MAPKBP1: variants seen among roughly 807,000 people sequenced by gnomAD.
MAPKBP1 encodes the protein mitogen-activated protein kinase binding protein 1.
Under a neutral mutation model 170.5 loss-of-function variants are expected in MAPKBP1, and 71 were observed. That is an observed-to-expected ratio of 0.42 (90% CI 0.34 to 0.51). The LOEUF (loss-of-function observed/expected upper bound fraction) is 0.51. Ranked by LOEUF, MAPKBP1 falls within the 20% of genes least tolerant of loss-of-function variation. MAPKBP1 has a pLI of 0.06. For synonymous variants in MAPKBP1, 719 were observed against 757.9 expected (o/e 0.95, Z 0.84); for missense variants, 1,598 against 1,933.0 (o/e 0.83, Z 3.25).
At chr15:41,774,791 C>T (rs1004819158) in intron 1 of MAPKBP1, 181 bp downstream of exon 1, 16 of 399,542 alleles carry the variant, frequency 4.0e-5, no homozygotes, top group Non-Finnish European at 2.2e-5. Context: ...CGCGTCCCCG[C>T]CGGCGCTAGC....
At chr15:41,805,790 A>G (rs1174231306) in intron 3 of MAPKBP1, among the ~76,000 whole-genome samples, 1 of 152,198 alleles carries the variant, frequency 6.6e-6, no homozygotes, top group Non-Finnish European at 1.5e-5. Context: ...TTCGCCAGGG[A>G]CAGTAGAGAG....
intron 5 of MAPKBP1, chr15:41,811,585 G>T (rs1487595986): frequency 2.1e-5 from 13 of 614,720 alleles, no homozygotes; most frequent in Middle Eastern, 5.0e-4. Context: ...TACCCCCGGG[G>T]GCCCCCTGCT....
intron 2 of MAPKBP1, among the ~76,000 whole-genome samples, chr15:41,786,558 A>G (rs924897952): frequency 2.6e-5 from 4 of 151,308 alleles, no homozygotes; most frequent in African/African-American, 4.9e-5. Context: ...AGGTCAGGAG[A>G]TAGAGACCAT....
chr15:41,811,320 C>T, intron 5 of MAPKBP1, 85 bp downstream of exon 5: 1 of 1,480,380 alleles, frequency 6.8e-7, no homozygotes. Flanking sequence ...GGCCTGCTGT[C>T]ACTTTGGCTT....
intron 30 of MAPKBP1, among the ~76,000 whole-genome samples, 175 bp downstream of exon 30, chr15:41,824,744 G>A (rs904312817): frequency 3.9e-5 from 6 of 152,188 alleles, no homozygotes; most frequent in Non-Finnish European, 5.9e-5. Flanking sequence ...CTCTTGTACC[G>A]GGCACCTGCG....
At chr15:41,786,604 A>G (rs2064294588) in intron 2 of MAPKBP1, among the ~76,000 whole-genome samples, 1 of 150,722 alleles carries the variant, frequency 6.6e-6, no homozygotes, top group Admixed American at 6.6e-5. Context: ...CTCTACTAAA[A>G]ATACAAAAAA....
chr15:41,815,670 T>G lies in MAPKBP1; in HGVS notation c.1364T>G (p.Leu455Arg), dbSNP rs1451024464. 1.2e-6 allele frequency: 2 copies of G among 1,614,022 alleles called. No homozygotes were observed. Among genetic ancestry groups the G allele is most frequent in the Non-Finnish European group, 1.7e-6 (2 of 1,180,004 alleles). ...GTGGATGGGAACACCCAGGCCCTGCTGGACACAGAGCTGCCTGGAGGAGAC... is the reference window on the plus strand; with the variant it reads ...GTGGATGGGAACACCCAGGCCCTGCGGGACACAGAGCTGCCTGGAGGAGAC... Reference protein sequence around the residue: ...IYVDGNTQALLDTELPGGDKA... With the variant: ...IYVDGNTQALRDTELPGGDKA... Residue 455 changes from leucine to arginine, a missense_variant, in exon 12 of 31, where the codon CTG becomes CGG. By Grantham distance (102) the Leu-to-Arg change is moderately radical. Around this residue, in one of 6 missense-constraint regions of MAPKBP1, gnomAD observed 430 missense variants for 617.2 expected, o/e 0.70. Transcript: ENST00000457542.
At chr15:41,821,445 G>A (rs2064993359) in intron 23 of MAPKBP1, 139 bp from the exon 24 acceptor site, 2 of 773,192 alleles carry the variant, frequency 2.6e-6, no homozygotes, top group Non-Finnish European at 4.3e-6. Context: ...CCTTGAATGA[G>A]TGCACACCGC....
In MAPKBP1 at chr15:41,827,513, G is replaced by A. The variant is rs2277535; in HGVS notation, c.*2077G>A. The A allele has an allele frequency of 0.28, 41,916 of 152,132 alleles. 6,824 individuals carry two copies. Among genetic ancestry groups the A allele is most frequent in the Admixed American group, 0.36 (5,568 of 15,276 alleles). The allele number at this position is 152,132 out of a possible 1,614,324, so 9.4% of individuals were successfully genotyped here. On this transcript the variant is annotated 3_prime_UTR_variant, in exon 31 of 31. Coordinates refer to ENST00000457542, the MANE Select transcript of MAPKBP1 (RefSeq NM_014994.3). ...CCCACCGCAGGTGGGACTCAGGTTC[G>A]CCCTCTGGGCCAGGTCCTTCACGAG...
intron 2 of MAPKBP1, among the ~76,000 whole-genome samples, chr15:41,782,092 CAAA>C (rs58449893): frequency 1.4e-4 from 16 of 111,168 alleles, no homozygotes; most frequent in African/African-American, 3.2e-4. Context: ...ACTAAAAATA[CAAA>C]AAAAAAAAAA....
At chr15:41,799,695 C>G (rs2064556306) in intron 2 of MAPKBP1, 128 bp from the exon 3 acceptor site, 1 of 679,070 alleles carries the variant, frequency 1.5e-6, no homozygotes, top group Non-Finnish European at 2.6e-6. Context: ...GAAGTCATAG[C>G]TCCATTCTCC....
Position 41,822,406 on chromosome 15 carries a change from C to T in MAPKBP1, c.3213C>T (p.Ala1071=). The T allele has an allele frequency of 6.2e-7, 1 of 1,613,990 alleles. No individual in the cohort carries two copies. The highest frequency in any genetic ancestry group is 1.1e-5 in the South Asian group (1 of 91,066). Residue 1071 remains alanine, a synonymous_variant, in exon 26 of 31, where the codon GCC becomes GCT. Transcript: ENST00000457542. ...QFLKQHFETL[A]SGAAPGAPVQ... is the part of the protein sequence containing the mutation. ...TAAAACAGCACTTTGAGACTCTGGC[C>T]AGTGGAGCTGCTCCAGGTGTGGTCA...
chr15:41,815,501 GCC>G, intron 11 of MAPKBP1, 96 bp downstream of exon 11: 2 of 1,557,554 alleles, frequency 1.3e-6, no homozygotes, highest in Non-Finnish European at 8.7e-7. Context: ...CTAGGCCTTG[GCC>G]TTCCAGCCTT....
chr15:41,822,326 G>A lies in MAPKBP1; in HGVS notation c.3133G>A (p.Gly1045Ser), dbSNP rs754282764. ...EEEEEEEGGM[G>S]PYGLQEGSPQ... is the part of the protein sequence containing the mutation. ...AGAGGAAGAAGAGGAGGGAGGCATG[G>A]GCCCCTATGGGCTACAGGAGGGCAG... Residue 1045 changes from glycine (G) to serine (S), a missense_variant, in exon 26 of 31, where the codon GGC becomes AGC. Gly to Ser is a moderately conservative substitution (Grantham distance 56, BLOSUM62 0). Around this residue, in one of 6 missense-constraint regions of MAPKBP1, gnomAD observed 942 missense variants for 953.2 expected, o/e 0.99. Transcript: ENST00000457542. The A allele has an allele frequency of 6.2e-7, 1 of 1,614,078 alleles. No homozygotes were observed. The highest frequency in any genetic ancestry group is 8.5e-7 in the Non-Finnish European group (1 of 1,180,008).
chr15:41,788,761 A>C (rs2064343583), intron 2 of MAPKBP1, among the ~76,000 whole-genome samples: 1 of 152,240 alleles, frequency 6.6e-6, no homozygotes, highest in Non-Finnish European at 1.5e-5. Context: ...TGCTAGGCTA[A>C]AACATTTATA....
chr15:41,821,191 C>A, intron 23 of MAPKBP1, 123 bp downstream of exon 23: 1 of 916,698 alleles, frequency 1.1e-6, no homozygotes, highest in Non-Finnish European at 1.7e-6. Flanking sequence ...ACATGGGTAA[C>A]CTGAACTGCA....
At chr15:41,822,142 G>C in intron 25 of MAPKBP1, 32 bp downstream of exon 25, 1 of 1,592,722 alleles carries the variant, frequency 6.3e-7, no homozygotes. Context: ...AGGGGCCATG[G>C]GGGGTGGGGC....
intron 3 of MAPKBP1, among the ~76,000 whole-genome samples, chr15:41,804,978 CT>C (rs2064665431): frequency 6.6e-6 from 1 of 152,204 alleles, no homozygotes; most frequent in Admixed American, 6.5e-5. Context: ...TGTCTCCCTG[CT>C]TTTCTTATCT....
chr15:41,815,450 C>T (rs766748747), intron 11 of MAPKBP1, 45 bp downstream of exon 11: 1 of 1,607,128 alleles, frequency 6.2e-7, no homozygotes. Context: ...TCAGTGCCCC[C>T]ATCCCCACAG....
Sources: allele counts gnomAD v4.1 joint callset (sites outside exome capture counted in the v4.1 genomes callset), GRCh38; gene constraint gnomAD v4.1.1; regional missense constraint gnomAD v4.1.1; transcripts MANE v1.5; gene names NCBI Gene and HGNC (gene_info 2026-07-23, HGNC 2026-07-21).